The following TCF4 variants were observed in gnomAD, a reference collection of about 807,000 sequenced individuals.
TCF4 encodes the protein SL3-3 enhancer factor 2.
TCF4 carries 3 observed loss-of-function variants against 82.1 expected under a neutral mutation model. That is an observed-to-expected ratio of 0.04 (90% CI 0.02 to 0.09). The LOEUF is 0.09. TCF4 is among the 10% of genes least tolerant of loss of function. The pLI, the probability that TCF4 is intolerant of heterozygous loss-of-function variation, is 1.00. For missense variants in TCF4, 518 were observed against 852.7 expected (o/e 0.61, Z 4.89); for synonymous variants, 276 against 309.6 (o/e 0.89, Z 1.14).
At chr18:55,418,555 G>A (rs1172112222) in intron 5 of TCF4, among the ~76,000 whole-genome samples, 1 of 152,100 alleles carries the variant, frequency 6.6e-6, no homozygotes, top group Non-Finnish European at 1.5e-5. Flanking sequence ...CAACATACAT[G>A]CTCAAATGAG....
At chr18:55,474,966 A>G (rs2096261662) in intron 3 of TCF4, among the ~76,000 whole-genome samples, 1 of 152,162 alleles carries the variant, frequency 6.6e-6, no homozygotes, top group South Asian at 2.1e-4. Flanking sequence ...TTATAATTAT[A>G]TAATATGTTG....
intron 15 of TCF4, among the ~76,000 whole-genome samples, chr18:55,241,220 C>T (rs146900551): frequency 3.3e-4 from 50 of 152,304 alleles, no homozygotes; most frequent in African/African-American, 1.1e-3. Context: ...TGTACTAACT[C>T]ATACGTTCCA....
In TCF4 at chr18:55,529,243, AAATATCTTATTCTTTAGATATTT is replaced by A. The variant is rs772828367; in HGVS notation, c.145+56014_145+56036del. Reference sequence around the variant, plus strand: ...TAGAAAGTATGAAACATTTAAAACTAAATATCTTATTCTTTAGATATTTCTGATTTTGATACCAATAAAATATT... The same window carrying A: ...TAGAAAGTATGAAACATTTAAAACTACTGATTTTGATACCAATAAAATATT... On this transcript the variant is annotated intron_variant, in intron 3 of 19. Coordinates refer to ENST00000354452, the MANE Select transcript of TCF4 (RefSeq NM_001083962.2). Among the ~76,000 whole-genome samples the A allele has an allele frequency of 6.6e-5, 10 of 152,296 alleles. 1 individual carries two copies. In the South Asian group the frequency reaches 1.9e-3, roughly 28 times the overall value.
At chr18:55,554,749 A>G (rs1373677549) in intron 3 of TCF4, among the ~76,000 whole-genome samples, 2 of 152,140 alleles carry the variant, frequency 1.3e-5, no homozygotes, top group Non-Finnish European at 2.9e-5. Flanking sequence ...TGGAATTTAA[A>G]CATCTTCCCC....
At chr18:55,284,498 G>A (rs1036239387) in intron 8 of TCF4, 1 of 152,154 alleles carries the variant, frequency 6.6e-6, no homozygotes, top group African/African-American at 2.4e-5. Flanking sequence ...CCTGCTTCCT[G>A]AAGGGGAAAC....
rs1277287061 is a variant in TCF4, at chr18:55,538,026, G to GCGCGCACACACA, written c.145+47253_145+47254insTGTGTGTGCGCG. 1.4e-4 allele frequency among the ~76,000 whole-genome samples: 18 copies of GCGCGCACACACA among 131,574 alleles called. No homozygotes were observed. In the South Asian group the frequency reaches 2.0e-3, roughly 14 times the overall value. The allele number at this position is 131,574 out of a possible 152,430, so 86.3% of individuals were successfully genotyped here. A position where few individuals can be genotyped will look rare whatever the true frequency, so the allele number is the denominator to read the frequency against. ...CTGGATTTTGCTAGTCTGCGCGCGC[G>GCGCGCACACACA]CACACACACACACACACACACACAC... On this transcript the variant is annotated intron_variant, in intron 3 of 19. Coordinates refer to ENST00000354452, the MANE Select transcript of TCF4 (RefSeq NM_001083962.2).
intron 5 of TCF4, among the ~76,000 whole-genome samples, chr18:55,457,443 CCACA>C (rs1279552698): frequency 6.6e-6 from 1 of 152,150 alleles, no homozygotes; most frequent in African/African-American, 2.4e-5. Context: ...GTGCATTTTT[CCACA>C]CACACAAGAT....
intron 5 of TCF4, among the ~76,000 whole-genome samples, chr18:55,421,107 T>A (rs1001127042): frequency 1.3e-5 from 2 of 152,086 alleles, no homozygotes; most frequent in African/African-American, 4.8e-5. Context: ...AGTAAAACCT[T>A]CTTTTGCCTG....
At chr18:55,474,408 GA>G (rs1330529403) in intron 3 of TCF4, among the ~76,000 whole-genome samples, 1 of 152,064 alleles carries the variant, frequency 6.6e-6, no homozygotes, top group African/African-American at 2.4e-5. Flanking sequence ...CTAAACTCCA[GA>G]AAAAATGCGA....
chr18:55,425,817 C>T (rs1298823595), intron 5 of TCF4, among the ~76,000 whole-genome samples: 4 of 152,078 alleles, frequency 2.6e-5, no homozygotes, highest in Admixed American at 6.5e-5. Flanking sequence ...TTACAATGAG[C>T]ACAACAGGTA....
At chr18:55,404,388 A>C (rs1369958158) in intron 5 of TCF4, 2 of 152,602 alleles carry the variant, frequency 1.3e-5, no homozygotes, top group African/African-American at 4.8e-5. Context: ...GTGGAGAATC[A>C]TTGTAGAAAT....
intron 3 of TCF4, among the ~76,000 whole-genome samples, chr18:55,506,867 CTT>C (rs901825211): frequency 5.0e-5 from 7 of 139,674 alleles, no homozygotes; most frequent in Non-Finnish European, 3.1e-5. Flanking sequence ...TTTTTTTTTT[CTT>C]TTTTTTTTTT....
chr18:55,345,255 T>C (rs551859138), intron 8 of TCF4, among the ~76,000 whole-genome samples: 9 of 150,752 alleles, frequency 6.0e-5, no homozygotes, highest in South Asian at 2.1e-4. Context: ...ATAAACTCTA[T>C]AGTCTCAATG....
chr18:55,242,321 T>C (rs1054039780), intron 15 of TCF4, among the ~76,000 whole-genome samples: 7 of 152,172 alleles, frequency 4.6e-5, no homozygotes, highest in Admixed American at 2.6e-4. Flanking sequence ...TTGTCTCCAT[T>C]TGTGGGCATC....
chr18:55,384,158 G>C (rs1027927503), intron 6 of TCF4: 4 of 152,200 alleles, frequency 2.6e-5, no homozygotes, highest in African/African-American at 9.7e-5. Flanking sequence ...TCTGAGGGTT[G>C]GCAGGCAGGG....
chr18:55,230,647 A>G (rs2144514656), intron 17 of TCF4: 1 of 152,362 alleles, frequency 6.6e-6, no homozygotes, highest in East Asian at 1.9e-4. Context: ...TCACAGAATA[A>G]AGATGATTAA....
intron 2 of TCF4, among the ~76,000 whole-genome samples, chr18:55,626,034 A>G (rs2097726260): frequency 6.6e-6 from 1 of 152,162 alleles, no homozygotes; most frequent in South Asian, 2.1e-4. Flanking sequence ...TCCCAGTGGA[A>G]CTATTTCTAT....
chr18:55,586,697 T>C (rs541054667), intron 2 of TCF4, among the ~76,000 whole-genome samples: 1 of 152,240 alleles, frequency 6.6e-6, no homozygotes, highest in Admixed American at 6.5e-5. Context: ...GTGTGCAAAG[T>C]ATTAGTAGTC....
intron 2 of TCF4, chr18:55,586,050 T>C (rs2097641866): frequency 7.2e-7 from 1 of 1,393,660 alleles, no homozygotes; most frequent in South Asian, 1.3e-5. Context: ...GCTGCAAAGC[T>C]GCCTGCCTAG....
Sources: gnomAD v4.1 joint callset for allele counts (sites outside exome capture counted in the v4.1 genomes callset) on GRCh38, gnomAD v4.1.1 for gene constraint, MANE v1.5 for transcripts, NCBI Gene and HGNC (gene_info 2026-07-23, HGNC 2026-07-21) for gene names.